C11orf65: variants seen among roughly 807,000 people sequenced by gnomAD.
C11orf65 encodes chromosome 11 open reading frame 65, also known as protein MFI.
In C11orf65, 38 loss-of-function variants were observed where a neutral mutation model predicts 35.3. That is an observed-to-expected ratio of 1.08 (90% CI 0.83 to 1.41). The LOEUF is 1.41. Ranked by LOEUF, C11orf65 falls within the 40% of genes most tolerant of loss-of-function variation. The probability of loss-of-function intolerance (pLI) is 0.00; values close to 1 mark genes in which losing one functional copy is unlikely to be tolerated. For synonymous variants in C11orf65, 105 were observed against 114.4 expected (o/e 0.92, Z 0.53); for missense variants, 370 against 367.1 (o/e 1.01, Z -0.06).
intron 2 of C11orf65, among the ~76,000 whole-genome samples, chr11:108,347,089 A>G (rs1041617338): frequency 2.0e-5 from 3 of 152,202 alleles, no homozygotes; most frequent in African/African-American, 7.2e-5. Context: ...AAAATGCAAT[A>G]TGCATTAAAA....
At chr11:108,463,050 C>T (rs2093491164) in intron 1 of C11orf65, among the ~76,000 whole-genome samples, 1 of 152,148 alleles carries the variant, frequency 6.6e-6, no homozygotes, top group South Asian at 2.1e-4. Context: ...GGCTTGAGCC[C>T]AGGAGTTCAA....
chr11:108,405,360 A>G, intron 6 of C11orf65, 69 bp downstream of exon 6: 1 of 1,505,670 alleles, frequency 6.6e-7, no homozygotes, highest in Admixed American at 1.9e-5. Flanking sequence ...GAGGAGCAAT[A>G]CCTCATTTCA....
At chr11:108,309,100 A>G (rs2083919944) in intron 6 of C11orf65, 19 of 1,297,746 alleles carry the variant, frequency 1.5e-5, no homozygotes, top group Non-Finnish European at 1.9e-5. Context: ...GGATATAGAA[A>G]AACGGGTAAA....
downstream of C11orf65, chr11:108,330,518 A>G: frequency 7.9e-7 from 1 of 1,257,974 alleles, no homozygotes. Context: ...TTGTATTCCT[A>G]GCACTTGGTC....
Position 108,334,953 on chromosome 11 carries a change from T to C in C11orf65, c.299+267A>G, listed in dbSNP as rs776948701. The C allele has an allele frequency of 3.7e-6, 6 of 1,607,876 alleles. No homozygotes were observed. Among genetic ancestry groups the C allele is most frequent in the Non-Finnish European group, 5.1e-6 (6 of 1,174,362 alleles). On this transcript the variant is annotated intron_variant, in intron 3 of 3. Coordinates refer to the C11orf65 transcript ENST00000524755. ...TGTATCTGACCTATTATCAATCATG[T>C]TTATACTTTTATTAGGTGGACCACA...
chr11:108,456,744 T>C (rs1292155292), intron 2 of C11orf65, among the ~76,000 whole-genome samples: 1 of 149,250 alleles, frequency 6.7e-6, no homozygotes, highest in Non-Finnish European at 1.5e-5. Flanking sequence ...GCAACTGCAC[T>C]CTAGCATGGG....
intron 3 of C11orf65, among the ~76,000 whole-genome samples, chr11:108,424,076 G>A (rs1181990392): frequency 6.6e-6 from 1 of 152,216 alleles, no homozygotes; most frequent in African/African-American, 2.4e-5. Flanking sequence ...ATTGACAGAA[G>A]TAGGCTTTAG....
intron 2 of C11orf65, among the ~76,000 whole-genome samples, chr11:108,374,262 C>T (rs2091654625): frequency 6.6e-6 from 1 of 152,194 alleles, no homozygotes; most frequent in African/African-American, 2.4e-5. Flanking sequence ...TGATACCTCA[C>T]ATGGCCAGGT....
intron 2 of C11orf65, among the ~76,000 whole-genome samples, chr11:108,352,209 AT>A (rs760430216): frequency 6.6e-6 from 1 of 152,242 alleles, no homozygotes; most frequent in Non-Finnish European, 1.5e-5. Context: ...TGATGTTGGA[AT>A]TATCTAAGAT....
intron 2 of C11orf65, among the ~76,000 whole-genome samples, chr11:108,358,519 G>GA (rs2090317150): frequency 6.9e-6 from 1 of 145,046 alleles, no homozygotes; most frequent in Non-Finnish European, 1.5e-5. Context: ...TGAAATGAAG[G>GA]AAAAAATGTT....
At chr11:108,435,798 G>A (rs1254116192) in intron 2 of C11orf65, among the ~76,000 whole-genome samples, 1 of 152,056 alleles carries the variant, frequency 6.6e-6, no homozygotes, top group South Asian at 2.1e-4. Flanking sequence ...CAAATGTAAA[G>A]TGTGTTAATC....
At chr11:108,391,929 T>A (rs576249255) in intron 7 of C11orf65, among the ~76,000 whole-genome samples, 2 of 152,290 alleles carry the variant, frequency 1.3e-5, no homozygotes, top group African/African-American at 4.8e-5. Context: ...CTTTCTTTTT[T>A]TTTAAATAGA....
chr11:108,462,487 T>C (rs2135772685), intron 1 of C11orf65: 1 of 152,388 alleles, frequency 6.6e-6, no homozygotes, highest in African/African-American at 2.4e-5. Context: ...GGTCAAATAG[T>C]GAGTAACTAA....
rs886039471 is a variant in C11orf65, at chr11:108,326,064, G to A, written c.641-16993C>T. 18 of 1,613,900 alleles carry A rather than the reference G, an allele frequency of 1.1e-5. No individual in the cohort carries two copies. The highest frequency in any genetic ancestry group is 2.7e-5 in the African/African-American group (2 of 74,900). On this transcript the variant is annotated intron_variant, in intron 6 of 6. Coordinates refer to the C11orf65 transcript ENST00000525729. Reference sequence around the variant, plus strand: ...TATGTCATTTTCATTTCAGCTCCCTGAAAGGGCAATATTTCAAATTAAACA... The same window carrying A: ...TATGTCATTTTCATTTCAGCTCCCTAAAAGGGCAATATTTCAAATTAAACA...
chr11:108,441,204 C>T (rs570938113), intron 2 of C11orf65, among the ~76,000 whole-genome samples: 17 of 152,232 alleles, frequency 1.1e-4, no homozygotes, highest in Admixed American at 1.1e-3. Context: ...GTCCCACACC[C>T]ACGGAACCTT....
intron 2 of C11orf65, among the ~76,000 whole-genome samples, chr11:108,371,681 G>A (rs1446517587): frequency 6.6e-6 from 1 of 151,862 alleles, no homozygotes; most frequent in Non-Finnish European, 1.5e-5. Context: ...TTTGACTATT[G>A]TGAATATTGT....
In C11orf65 at chr11:108,320,000, C is replaced by T. The variant is rs551408889; in HGVS notation, c.641-10929G>A. The T allele has an allele frequency of 1.9e-6, 3 of 1,612,672 alleles. No individual in the cohort carries two copies. Among genetic ancestry groups the T allele is most frequent in the Non-Finnish European group, 2.5e-6 (3 of 1,178,910 alleles). ...TTACCATGAATCATTGTACAATGCT[C>T]TACAATCTCTAAGAGACAGAGAATT... On this transcript the variant is annotated intron_variant, in intron 6 of 6. Coordinates refer to the C11orf65 transcript ENST00000525729.
At position 108,325,551 on chromosome 11, in the gene C11orf65, AC is replaced by A. The variant is rs1555119385; in HGVS notation, c.641-16481del. On this transcript the variant is annotated intron_variant, in intron 6 of 6. Transcript: ENST00000525729. ...AACTTTCAAGAACACTCAGGTAAAT[AC>A]AATTTAAAACTATGTCATCTTACCT... is the stretch of plus-strand genomic sequence containing the variant. 2.5e-6 allele frequency: 4 copies of A among 1,577,760 alleles called. No homozygotes were observed. The highest frequency in any genetic ancestry group is 3.5e-6 in the Non-Finnish European group (4 of 1,151,064).
chr11:108,388,560 C>T (rs780149689), intron 7 of C11orf65, among the ~76,000 whole-genome samples: 6 of 152,168 alleles, frequency 3.9e-5, no homozygotes, highest in Non-Finnish European at 7.3e-5. Context: ...ATCAAAGGAG[C>T]AGCTTCAGAT....
Sources: gnomAD v4.1 joint callset for allele counts (sites outside exome capture counted in the v4.1 genomes callset) on GRCh38, gnomAD v4.1.1 for gene constraint, MANE v1.5 for transcripts, NCBI Gene and HGNC (gene_info 2026-07-23, HGNC 2026-07-21) for gene names.